PCDH7: variants seen among roughly 807,000 people sequenced by gnomAD.
PCDH7 encodes protocadherin-7.
In PCDH7, 17 loss-of-function variants were observed where a neutral mutation model predicts 58.9. The observed-to-expected ratio is 0.29, with a 90% CI of 0.20 to 0.43. The LOEUF (loss-of-function observed/expected upper bound fraction) is 0.43. Ranked by LOEUF, PCDH7 falls within the 20% of genes least tolerant of loss-of-function variation. The pLI is 1.00. For synonymous variants in PCDH7, 664 were observed against 616.4 expected (o/e 1.08, Z -1.14); for missense variants, 1,274 against 1,441.0 (o/e 0.88, Z 1.88).
At chr4:30,918,771 G>A (rs944458213) in intron 1 of PCDH7, among the ~76,000 whole-genome samples, 2 of 152,076 alleles carry the variant, frequency 1.3e-5, no homozygotes, top group African/African-American at 4.8e-5. Flanking sequence ...TGAATTGTGA[G>A]CTACTGGGTT....
At chr4:30,926,253 C>T (rs1476949919) in intron 2 of PCDH7, among the ~76,000 whole-genome samples, 1 of 151,444 alleles carries the variant, frequency 6.6e-6, no homozygotes, top group Non-Finnish European at 1.5e-5. Flanking sequence ...GGCACAATCT[C>T]GGCTCACCGC....
chr4:30,893,539 G>A (rs564122327), intron 1 of PCDH7, among the ~76,000 whole-genome samples: 1 of 152,208 alleles, frequency 6.6e-6, no homozygotes, highest in Admixed American at 6.5e-5. Context: ...GAAGTCAGAA[G>A]TTTAGCACAT....
intron 3 of PCDH7, among the ~76,000 whole-genome samples, chr4:31,088,819 C>T (rs534304020): frequency 5.1e-4 from 77 of 151,920 alleles, no homozygotes; most frequent in South Asian, 1.9e-3. Context: ...AATAAGTAAC[C>T]GTAATTCTTT....
chr4:31,006,441 TTAGCTGAGAGGCC>T (rs1384184451), intron 3 of PCDH7, among the ~76,000 whole-genome samples: 4 of 152,278 alleles, frequency 2.6e-5, no homozygotes, highest in South Asian at 4.1e-4. Context: ...ATAACAAATC[TTAGCTGAGAGGCC>T]TAGTAGTTAT....
intron 1 of PCDH7, chr4:30,786,750 C>A: frequency 1.0e-6 from 1 of 983,544 alleles, no homozygotes; most frequent in Non-Finnish European, 1.2e-6. Flanking sequence ...AGACCATGAA[C>A]CCCTCTGGCC....
intron 3 of PCDH7, among the ~76,000 whole-genome samples, chr4:31,140,141 G>T (rs1008966525): frequency 6.6e-5 from 10 of 152,170 alleles, no homozygotes; most frequent in Admixed American, 2.6e-4. Context: ...TGAGCTGTAG[G>T]TAGTTTAGGT....
intron 3 of PCDH7, among the ~76,000 whole-genome samples, chr4:31,061,950 C>G (rs537974559): frequency 6.6e-6 from 1 of 151,756 alleles, no homozygotes; most frequent in African/African-American, 2.4e-5. Context: ...TTCTCTTCTG[C>G]TCCAGGAAAC....
chr4:31,029,184 A>G (rs918508987), intron 3 of PCDH7, among the ~76,000 whole-genome samples: 3 of 152,238 alleles, frequency 2.0e-5, no homozygotes, highest in African/African-American at 7.2e-5. Flanking sequence ...CCAGCATAAA[A>G]CAGCTATAGA....
chr4:31,056,437 A>AGAAGGAAGGAAG (rs1224818952), intron 3 of PCDH7, among the ~76,000 whole-genome samples: 3 of 84,554 alleles, frequency 3.5e-5, no homozygotes, highest in African/African-American at 2.7e-4. Flanking sequence ...AGAAAAAGAA[A>AGAAGGAAGGAAG]GAAGGAAAGA....
intron 1 of PCDH7, among the ~76,000 whole-genome samples, chr4:30,790,869 C>T (rs1385579918): frequency 6.6e-6 from 1 of 151,906 alleles, no homozygotes; most frequent in Non-Finnish European, 1.5e-5. Context: ...GCTGCAGTGA[C>T]CCGTGTTCAC....
At chr4:30,996,901 T>A (rs1751945933) in intron 3 of PCDH7, among the ~76,000 whole-genome samples, 1 of 152,198 alleles carries the variant, frequency 6.6e-6, no homozygotes, top group Non-Finnish European at 1.5e-5. Context: ...ATTGCAATGA[T>A]TAAATTGTTT....
chr4:30,897,124 T>G, intron 1 of PCDH7, among the ~76,000 whole-genome samples: 1 of 152,030 alleles, frequency 6.6e-6, no homozygotes, highest in East Asian at 1.9e-4. Flanking sequence ...CAGGTTGTTC[T>G]TGATCTCCTG....
intron 1 of PCDH7, among the ~76,000 whole-genome samples, chr4:30,895,787 AC>A (rs1206898350): frequency 6.6e-6 from 1 of 152,170 alleles, no homozygotes; most frequent in Non-Finnish European, 1.5e-5. Flanking sequence ...TTTACATTCT[AC>A]CTTACTCAGA....
At chr4:31,056,753 AAGAG>A (rs1757291833) in intron 3 of PCDH7, among the ~76,000 whole-genome samples, 1 of 148,266 alleles carries the variant, frequency 6.7e-6, no homozygotes, top group Non-Finnish European at 1.5e-5. Context: ...AAAGAAAAGA[AAGAG>A]AGCCCAATGA....
intron 2 of PCDH7, among the ~76,000 whole-genome samples, chr4:30,929,879 C>T (rs1299678104): frequency 6.6e-6 from 1 of 152,082 alleles, no homozygotes; most frequent in African/African-American, 2.4e-5. Context: ...ACCAAGGCAG[C>T]ATTTGTAGCC....
At chr4:30,816,257 T>C (rs935915307) in intron 1 of PCDH7, among the ~76,000 whole-genome samples, 1 of 152,208 alleles carries the variant, frequency 6.6e-6, no homozygotes, top group African/African-American at 2.4e-5. Context: ...TGTCATGTTC[T>C]CTCTTGAGTT....
chr4:30,888,125 C>T (rs1283344898), intron 1 of PCDH7, among the ~76,000 whole-genome samples: 2 of 152,152 alleles, frequency 1.3e-5, no homozygotes, highest in African/African-American at 2.4e-5. Context: ...CTGCCCACCT[C>T]TGCCTCCCAA....
At chr4:30,829,416 A>G (rs1273450123) in intron 1 of PCDH7, among the ~76,000 whole-genome samples, 3 of 152,134 alleles carry the variant, frequency 2.0e-5, no homozygotes, top group African/African-American at 7.2e-5. Flanking sequence ...AAATGATATC[A>G]TTCAGCAGAG....
chr4:30,844,776 A>G lies in PCDH7; in HGVS notation c.71-75377A>G, dbSNP rs1731690761. Among the ~76,000 whole-genome samples the G allele has an allele frequency of 2.0e-5, 3 of 152,192 alleles. No homozygotes were observed. In the South Asian group the frequency reaches 6.2e-4, roughly 32 times the overall value. On this transcript the variant is annotated intron_variant, in intron 1 of 3. Transcript: ENST00000509759. ...AGGGGCTGTGGTAGATATTGGAAAGAGAGCAGATTAATGTATGTGATCACT... is the reference window on the plus strand; with the variant it reads ...AGGGGCTGTGGTAGATATTGGAAAGGGAGCAGATTAATGTATGTGATCACT...
Sources: gnomAD v4.1 joint callset for allele counts (sites outside exome capture counted in the v4.1 genomes callset) on GRCh38, gnomAD v4.1.1 for gene constraint, MANE v1.5 for transcripts, NCBI Gene and HGNC (gene_info 2026-07-23, HGNC 2026-07-21) for gene names.